Variants in ATAD2B observed in about 807,000 individuals in gnomAD.
The protein encoded by ATAD2B is ATPase family AAA domain-containing protein 2B.
Under a neutral mutation model 167.6 loss-of-function variants are expected in ATAD2B, and 40 were observed. That is an observed-to-expected ratio of 0.24 (90% CI 0.19 to 0.31). The LOEUF is 0.31. ATAD2B is among the 10% of genes least tolerant of loss of function. ATAD2B has a pLI of 1.00. For synonymous variants in ATAD2B, 579 were observed against 596.5 expected, an observed-to-expected ratio of 0.97 and a Z score of 0.43; for missense variants, 1,242 against 1,757.2, an observed-to-expected ratio of 0.71 and a Z score of 5.24.
chr2:23,872,425 T>A, intron 8 of ATAD2B: 1 of 718,742 alleles, frequency 1.4e-6, no homozygotes, highest in Non-Finnish European at 2.6e-6. Flanking sequence ...ATCCAAATGT[T>A]TCACAATGCC....
chr2:23,792,726 G>A lies in ATAD2B; in HGVS notation c.2641-4079C>T, dbSNP rs1038235946. 5.3e-5 allele frequency among the ~76,000 whole-genome samples: 8 copies of A among 151,990 alleles called. 1 individual carries two copies. The South Asian group carries it at 1.5e-3, about 28-fold the overall frequency. On this transcript the variant is annotated intron_variant, in intron 19 of 27. Transcript: ENST00000238789. ...ACCTGTAATCCCAACACTTTGGGAG[G>A]CTGAGGTGGGTGGATCACGAAGTCA...
intron 22 of ATAD2B, among the ~76,000 whole-genome samples, chr2:23,777,787 T>C (rs1679394781): frequency 1.3e-5 from 2 of 152,134 alleles, no homozygotes; most frequent in Admixed American, 1.3e-4. Context: ...ATCTATACTG[T>C]AGTAATTAGG....
At chr2:23,726,573 C>T in the ATAD2B span, among the ~76,000 whole-genome samples, 2 of 152,036 alleles carry the variant, frequency 1.3e-5, no homozygotes, top group Admixed American at 1.3e-4. Flanking sequence ...TCAGGGGTGG[C>T]AGTGGTGAAA....
intron 16 of ATAD2B, 103 bp from the exon 17 acceptor site, chr2:23,819,985 A>G (rs1687207172): frequency 5.4e-6 from 4 of 746,610 alleles, no homozygotes; most frequent in East Asian, 2.8e-5. Context: ...AATGACATTA[A>G]TAAGTTATCT....
chr2:23,909,176 G>A (rs937213784), intron 1 of ATAD2B, among the ~76,000 whole-genome samples: 1 of 151,552 alleles, frequency 6.6e-6, no homozygotes, highest in Non-Finnish European at 1.5e-5. Flanking sequence ...AACAGTGTGA[G>A]GGAAAAAAAA....
intron 10 of ATAD2B, among the ~76,000 whole-genome samples, chr2:23,866,997 G>A (rs1280254417): frequency 6.6e-6 from 1 of 152,056 alleles, no homozygotes; most frequent in African/African-American, 2.4e-5. Context: ...AGGTGTGATC[G>A]ATCATCTATT....
chr2:23,803,719 T>A (rs1434383198), intron 18 of ATAD2B, among the ~76,000 whole-genome samples: 1 of 152,230 alleles, frequency 6.6e-6, no homozygotes, highest in African/African-American at 2.4e-5. Flanking sequence ...TTCTTGTGCA[T>A]GTATGTTTTA....
In ATAD2B at chr2:23,887,984, G is replaced by A. The variant is rs774937734; in HGVS notation, c.420C>T (p.Ser140=). The A allele has an allele frequency of 5.8e-6, 9 of 1,564,038 alleles. No homozygotes were observed. Among genetic ancestry groups the A allele is most frequent in the African/African-American group, 1.4e-5 (1 of 71,538 alleles). ...ATLPNGHSGL[S]LRSHPLRGEK... is the part of the protein sequence containing the mutation. ...CCCCTCGAAGGGGATGGCTTCGAAG[G>A]GCTACAAGAAGAGAGATATTTACAT... The change falls in exon 4 of 28, where the codon TCC becomes TCT. Residue 140 remains serine (S), a splice_region_variant and synonymous_variant. Transcript: ENST00000238789.
At chr2:23,827,558 T>A (rs1008591878) in intron 15 of ATAD2B, among the ~76,000 whole-genome samples, 2 of 152,172 alleles carry the variant, frequency 1.3e-5, no homozygotes, top group Admixed American at 1.3e-4. Context: ...CAGAAAAATC[T>A]ACAAAGATTT....
At chr2:23,924,429 G>A (rs553782651) in intron 1 of ATAD2B, among the ~76,000 whole-genome samples, 46 of 152,276 alleles carry the variant, frequency 3.0e-4, no homozygotes, top group African/African-American at 1.0e-3. Flanking sequence ...TGAACCAGGA[G>A]TGCTAAATTC....
intron 13 of ATAD2B, among the ~76,000 whole-genome samples, chr2:23,853,576 G>T (rs1326307400): frequency 3.3e-5 from 5 of 152,140 alleles, no homozygotes; most frequent in Non-Finnish European, 7.4e-5. Flanking sequence ...CTAAATAAAT[G>T]AACAGAATTA....
At position 23,798,295 on chromosome 2, in the gene ATAD2B, G is replaced by A. The variant is rs1682914416; in HGVS notation, c.2483C>T (p.Pro828Leu). The change falls in exon 19 of 28, where the codon CCT (proline) becomes CTT (leucine). Residue 828 changes from proline to leucine, a missense_variant. By Grantham distance (98) the Pro-to-Leu change is moderately conservative (BLOSUM62 -3). Coordinates refer to ENST00000238789, the MANE Select transcript of ATAD2B (RefSeq NM_017552.4). ...QIFREARRTV[P>L]SIVYMPHIGD... ...AATGTGAGGCATGTAAACAATACTA[G>A]GTACTGTTCTTCGAGCTTCACGAAA... 1 of 1,594,316 alleles carries A rather than the reference G, an allele frequency of 6.3e-7. No individual in the cohort carries two copies. The highest frequency in any genetic ancestry group is 8.5e-7 in the Non-Finnish European group (1 of 1,170,280).
chr2:23,723,461 A>G, the ATAD2B span, among the ~76,000 whole-genome samples: 1 of 84,290 alleles, frequency 1.2e-5, no homozygotes, highest in East Asian at 4.2e-4. Context: ...GGAGAAAGGG[A>G]GGGAGGGAGG....
At chr2:23,875,540 TG>T (rs1487446165) in intron 8 of ATAD2B, among the ~76,000 whole-genome samples, 1 of 151,794 alleles carries the variant, frequency 6.6e-6, no homozygotes, top group African/African-American at 2.4e-5. Flanking sequence ...TGTACCTACA[TG>T]TAAAAGAAAG....
intron 13 of ATAD2B, among the ~76,000 whole-genome samples, chr2:23,842,918 A>G (rs964554000): frequency 1.3e-5 from 2 of 152,204 alleles, no homozygotes; most frequent in African/African-American, 4.8e-5. Context: ...AACAGAATCC[A>G]GAGTCTCCAA....
the ATAD2B span, chr2:23,691,933 C>T: frequency 6.7e-7 from 1 of 1,495,678 alleles, no homozygotes; most frequent in South Asian, 1.2e-5. Flanking sequence ...GGGCGGAGAA[C>T]TCCATAAACA....
chr2:23,784,707 C>T (rs977054945), intron 21 of ATAD2B, among the ~76,000 whole-genome samples: 3 of 151,648 alleles, frequency 2.0e-5, no homozygotes, highest in African/African-American at 4.8e-5. Context: ...GGCACACACA[C>T]ATATCACATT....
Position 23,757,800 on chromosome 2 carries a change from T to A in ATAD2B, c.3696A>T (p.Ala1232=). ...NNGAGTKENF[A]STEEESSNES... The stretch of plus-strand genomic sequence containing the variant: ...CATTTGAACTTTCCTCCTCAGTAGA[T>A]GCAAAGTTCTCTTTTGTGCCTGCTC... The change falls in exon 25 of 28, where the codon GCA becomes GCT. Residue 1232 remains alanine (A), a synonymous_variant. Coordinates refer to ENST00000238789, the MANE Select transcript of ATAD2B (RefSeq NM_017552.4). The A allele has an allele frequency of 6.4e-7, 1 of 1,571,558 alleles. No homozygotes were observed. The highest frequency in any genetic ancestry group is 8.6e-7 in the Non-Finnish European group (1 of 1,164,126).
chr2:23,754,530 C>A (rs894096265), intron 26 of ATAD2B, 117 bp downstream of exon 26: 31 of 1,326,506 alleles, frequency 2.3e-5, no homozygotes, highest in Non-Finnish European at 2.9e-5. Flanking sequence ...ACTAGGAGCT[C>A]TGAGGCATTT....
Sources: gnomAD v4.1 joint callset for allele counts (sites outside exome capture counted in the v4.1 genomes callset) on GRCh38, gnomAD v4.1.1 for gene constraint, MANE v1.5 for transcripts, NCBI Gene and HGNC (gene_info 2026-07-23, HGNC 2026-07-21) for gene names.